The following CACNA1D variants were observed in gnomAD, a reference collection of about 807,000 sequenced individuals.
The protein encoded by CACNA1D is voltage-dependent L-type calcium channel subunit alpha-1D.
Under a neutral mutation model 257.1 loss-of-function variants are expected in CACNA1D, and 55 were observed. The ratio of observed to expected loss-of-function variants is 0.21; its 90% CI spans 0.17 to 0.27. CACNA1D has a LOEUF of 0.27. Ranked by LOEUF, CACNA1D falls within the 10% of genes least tolerant of loss-of-function variation. The pLI is 1.00. For synonymous variants in CACNA1D, 980 were observed against 1,014.9 expected (o/e 0.97, Z 0.65); for missense variants, 1,876 against 2,784.0 (o/e 0.67, Z 7.34).
intron 3 of CACNA1D, among the ~76,000 whole-genome samples, chr3:53,507,960 A>G (rs990524767): frequency 8.6e-5 from 12 of 139,186 alleles, no homozygotes; most frequent in Admixed American, 4.6e-4. Context: ...TAGAAATGGC[A>G]TCAGACACAG....
intron 25 of CACNA1D, 105 bp from the exon 26 acceptor site, chr3:53,747,197 A>G: frequency 1.2e-6 from 1 of 867,728 alleles, no homozygotes; most frequent in Non-Finnish European, 1.9e-6. Context: ...GGGCGGACTG[A>G]GTGTGACCTG....
chr3:53,661,863 A>G (rs1191035657), intron 5 of CACNA1D, among the ~76,000 whole-genome samples: 1 of 152,202 alleles, frequency 6.6e-6, no homozygotes, highest in Non-Finnish European at 1.5e-5. Context: ...TTGAAATTTG[A>G]TAGGGAGATT....
chr3:53,524,960 C>A (rs2091708212), intron 3 of CACNA1D, among the ~76,000 whole-genome samples: 1 of 152,156 alleles, frequency 6.6e-6, no homozygotes, highest in African/African-American at 2.4e-5. Context: ...TGGCCTGGAG[C>A]AGTGGGGAGA....
At chr3:53,603,761 C>CTG (rs1559904195) in intron 3 of CACNA1D, among the ~76,000 whole-genome samples, 1 of 152,198 alleles carries the variant, frequency 6.6e-6, no homozygotes, top group East Asian at 1.9e-4. Flanking sequence ...ATGAATACCC[C>CTG]TGGGGAACTT....
chr3:53,786,724 C>CCCCACA, intron 39 of CACNA1D, 98 bp from the exon 40 acceptor site: 1 of 590,110 alleles, frequency 1.7e-6, no homozygotes, highest in Non-Finnish European at 3.2e-6. Context: ...CCCACCCGCC[C>CCCCACA]CACTCTGCCC....
intron 3 of CACNA1D, among the ~76,000 whole-genome samples, chr3:53,566,142 AC>A (rs2092831367): frequency 6.6e-6 from 1 of 152,118 alleles, no homozygotes; most frequent in African/African-American, 2.4e-5. Context: ...ATGGGAAGAC[AC>A]CTCCCTAAGG....
chr3:53,611,508 G>A (rs1281161453), intron 3 of CACNA1D, among the ~76,000 whole-genome samples: 4 of 152,008 alleles, frequency 2.6e-5, no homozygotes, highest in African/African-American at 9.7e-5. Flanking sequence ...TTTAGTGAGA[G>A]GTTTTCTTTG....
chr3:53,621,173 T>C (rs932904631), intron 3 of CACNA1D, among the ~76,000 whole-genome samples: 3 of 152,138 alleles, frequency 2.0e-5, no homozygotes, highest in African/African-American at 7.2e-5. Flanking sequence ...GAGCTGTGAA[T>C]TCCCAGAAAT....
chr3:53,740,071 AAGG>A (rs752789208), intron 20 of CACNA1D, among the ~76,000 whole-genome samples: 14 of 152,222 alleles, frequency 9.2e-5, no homozygotes, highest in Admixed American at 4.6e-4. Context: ...TGAGTGGTTA[AAGG>A]AGGTCAGGAT....
At chr3:53,745,587 C>T (rs372418496) in intron 23 of CACNA1D, 37 bp from the exon 24 acceptor site, 1 of 1,414,942 alleles carries the variant, frequency 7.1e-7, no homozygotes, top group Non-Finnish European at 1.0e-6. Context: ...AGGCCAAAAT[C>T]ACAAAGAAGA....
chr3:53,718,285 C>T lies in CACNA1D; in HGVS notation c.1391-16C>T, dbSNP rs775810300. On this transcript the variant is annotated splice_polypyrimidine_tract_variant and intron_variant, in intron 9 of 47. Coordinates refer to ENST00000350061, the MANE Select transcript of CACNA1D (RefSeq NM_001128840.3). ...TGTGCCCCGCATGCTCTCTGAAGCC[C>T]GTCTTCTCCCCACAGCTAGCATGCC... is the stretch of plus-strand genomic sequence containing the variant. The T allele has an allele frequency of 1.7e-5, 28 of 1,610,420 alleles. No homozygotes were observed. Among genetic ancestry groups the T allele is most frequent in the East Asian group, 2.2e-5 (1 of 44,864 alleles).
chr3:53,713,655 G>A (rs1027990253), intron 9 of CACNA1D, among the ~76,000 whole-genome samples: 4 of 152,152 alleles, frequency 2.6e-5, no homozygotes, highest in African/African-American at 9.7e-5. Flanking sequence ...AATGCTAGTT[G>A]TGCTTACCTG....
Position 53,774,766 on chromosome 3 carries a change from G to A in CACNA1D, c.4202+88G>A. On this transcript the variant is annotated intron_variant, in intron 34 of 47. Coordinates refer to ENST00000350061, the MANE Select transcript of CACNA1D (RefSeq NM_001128840.3). This position sits in a 1 kb window ranked among gnomAD's most constrained non-coding sequence, Gnocchi z 4.3. ...GGGACGGAGGACACAGGTTATTAAA[G>A]CAGTGTGCCTTTCTCAGTTGATTGT... is the stretch of plus-strand genomic sequence containing the variant. 1.3e-6 allele frequency: 1 copy of A among 779,812 alleles called. No homozygotes were observed. Among genetic ancestry groups the A allele is most frequent in the Middle Eastern group, 3.0e-4 (1 of 3,330 alleles). 48.3% of individuals were successfully genotyped at this position (779,812 alleles called of 1,614,324 possible).
chr3:53,692,228 G>A (rs1003751839), intron 8 of CACNA1D, among the ~76,000 whole-genome samples: 2 of 151,980 alleles, frequency 1.3e-5, no homozygotes, highest in African/African-American at 2.4e-5. Flanking sequence ...AGTCTGGTAA[G>A]TTAAAGAAAA....
At chr3:53,741,182 C>T (rs1467674417) in intron 21 of CACNA1D, among the ~76,000 whole-genome samples, 1 of 152,146 alleles carries the variant, frequency 6.6e-6, no homozygotes, top group Non-Finnish European at 1.5e-5. Context: ...AGAACCTATC[C>T]AAAACTGGCC....
In CACNA1D at chr3:53,800,845, C is replaced by T; in HGVS notation, c.5041-213C>T. ...GAGTGACAGCCGACAGCTTGCTCCC[C>T]AGCTCAGGAAATCGGTAACCTTCCT... On this transcript the variant is annotated intron_variant, in intron 41 of 47. Transcript: ENST00000350061. The surrounding 1 kb of genome is among the most constrained non-coding windows in gnomAD (Gnocchi z 4.3). 1 of 618,770 alleles carries T rather than the reference C, an allele frequency of 1.6e-6. No homozygotes were observed. The highest frequency in any genetic ancestry group is 2.9e-6 in the Non-Finnish European group (1 of 346,626). The allele number at this position is 618,770 out of a possible 1,614,324, so 38.3% of individuals were successfully genotyped here. A position where few individuals can be genotyped will look rare whatever the true frequency, so the allele number is the denominator to read the frequency against.
chr3:53,641,837 G>A (rs1193457221), intron 3 of CACNA1D, among the ~76,000 whole-genome samples: 1 of 152,204 alleles, frequency 6.6e-6, no homozygotes, highest in African/African-American at 2.4e-5. Context: ...GAGGCCCTGT[G>A]TATAGGGAAC....
At chr3:53,642,267 C>A (rs777851127) in intron 3 of CACNA1D, among the ~76,000 whole-genome samples, 3 of 152,180 alleles carry the variant, frequency 2.0e-5, no homozygotes, top group Non-Finnish European at 2.9e-5. Context: ...GTCCCCCTGG[C>A]AACTCTAGGC....
intron 19 of CACNA1D, among the ~76,000 whole-genome samples, chr3:53,733,803 A>G (rs1329310335): frequency 6.6e-6 from 1 of 151,842 alleles, no homozygotes; most frequent in Non-Finnish European, 1.5e-5. Context: ...GCCTGCTGGC[A>G]TCCTCAGAGA....
Sources: allele counts gnomAD v4.1 joint callset (sites outside exome capture counted in the v4.1 genomes callset), GRCh38; gene constraint gnomAD v4.1.1; non-coding constraint Gnocchi (gnomAD v3.1); transcripts MANE v1.5; gene names NCBI Gene and HGNC (gene_info 2026-07-23, HGNC 2026-07-21).